Variants in AMPH observed in about 807,000 individuals in gnomAD.
AMPH encodes the protein amphiphysin (Stiff-Mann syndrome with breast cancer 128kD autoantigen).
AMPH carries 49 observed loss-of-function variants against 99.1 expected under a neutral mutation model. That is an observed-to-expected ratio of 0.49 (90% CI 0.39 to 0.63). The LOEUF (loss-of-function observed/expected upper bound fraction) is 0.63. AMPH is among the 20% of genes least tolerant of loss of function. The pLI, the probability that AMPH is intolerant of heterozygous loss-of-function variation, is 0.00. For synonymous variants in AMPH, 314 were observed against 317.3 expected (o/e 0.99, Z 0.11); for missense variants, 759 against 863.4 (o/e 0.88, Z 1.52).
intron 1 of AMPH, among the ~76,000 whole-genome samples, chr7:38,575,610 T>C (rs1464174141): frequency 1.3e-5 from 2 of 152,214 alleles, no homozygotes; most frequent in Non-Finnish European, 2.9e-5. Context: ...CTTCCTGCTG[T>C]CATGTGAAGA....
intron 11 of AMPH, among the ~76,000 whole-genome samples, chr7:38,441,768 A>ATCATATATCTATCATATATATCATATATC (rs1786525188): frequency 1.1e-5 from 1 of 94,580 alleles, no homozygotes; most frequent in Non-Finnish European, 2.2e-5. Context: ...TATCATATAT[A>ATCATATATCTATCATATATATCATATATC]TGATATATAT....
chr7:38,450,722 C>G (rs1786978874), intron 11 of AMPH, among the ~76,000 whole-genome samples: 1 of 152,116 alleles, frequency 6.6e-6, no homozygotes, highest in South Asian at 2.1e-4. Flanking sequence ...ACCCCTGAGA[C>G]TGGCCATCAG....
intron 7 of AMPH, among the ~76,000 whole-genome samples, chr7:38,473,804 C>T (rs1787984542): frequency 7.2e-6 from 1 of 139,320 alleles, no homozygotes; most frequent in African/African-American, 2.6e-5. Context: ...AAAAAAAAGC[C>T]ATAGCATCAT....
Position 38,406,722 on chromosome 7 carries a change from CTCCCTTTCCCTCTCTCTCTCT to C in AMPH, c.1398+11082_1398+11102del, listed in dbSNP as rs1785002313. Among the ~76,000 whole-genome samples the C allele has an allele frequency of 2.7e-5, 3 of 109,834 alleles. 1 individual carries two copies. The highest frequency in any genetic ancestry group is 1.0e-4 in the Admixed American group (1 of 9,984). The allele number at this position is 109,834 out of a possible 152,430, so 72.1% of individuals were successfully genotyped here. On this transcript the variant is annotated intron_variant, in intron 17 of 20. Coordinates refer to ENST00000356264, the MANE Select transcript of AMPH (RefSeq NM_001635.4). ...GAGTTCTCTCTCCTCTCCTCTCTCTCTCCCTTTCCCTCTCTCTCTCTCTCTCTCTCTCTCTCTCTCTCTCTC... is the reference window on the plus strand; with the variant it reads ...GAGTTCTCTCTCCTCTCCTCTCTCTCCTCTCTCTCTCTCTCTCTCTCTCTC...
At chr7:38,591,618 C>T (rs1022553474) in intron 1 of AMPH, among the ~76,000 whole-genome samples, 2 of 152,132 alleles carry the variant, frequency 1.3e-5, no homozygotes, top group African/African-American at 2.4e-5. Context: ...ACTCGGCTCT[C>T]ATAAGTTAGA....
rs548710083 is a variant in AMPH at position 38,574,543 on chromosome 7, G to A, written c.70-39532C>T. Among the ~76,000 whole-genome samples, 3 of 152,286 alleles carry A rather than the reference G, an allele frequency of 2.0e-5. No individual in the cohort carries two copies. The East Asian group carries it at 5.8e-4, about 29-fold the overall frequency. On this transcript the variant is annotated intron_variant, in intron 1 of 20. Transcript: ENST00000356264. ...TGCAATTGCAGCTGCTGTTCACACA[G>A]CCTCTGCCACTTACAAGGGAGAGAA...
At chr7:38,592,060 A>G (rs759836870) in intron 1 of AMPH, among the ~76,000 whole-genome samples, 7 of 152,360 alleles carry the variant, frequency 4.6e-5, no homozygotes, top group Non-Finnish European at 7.3e-5. Flanking sequence ...ATTATAGATT[A>G]ACTAAAAGTA....
chr7:38,605,873 G>A (rs1377224295), intron 1 of AMPH, among the ~76,000 whole-genome samples: 1 of 152,144 alleles, frequency 6.6e-6, no homozygotes, highest in Non-Finnish European at 1.5e-5. Context: ...ACCGCACCTG[G>A]CCTTTATAAT....
At chr7:38,486,695 T>A (rs1395721486) in intron 5 of AMPH, among the ~76,000 whole-genome samples, 1 of 152,000 alleles carries the variant, frequency 6.6e-6, no homozygotes, top group Non-Finnish European at 1.5e-5. Flanking sequence ...ACCAGCAAAC[T>A]GAATTCGACA....
chr7:38,534,978 T>C lies in AMPH; in HGVS notation c.103A>G (p.Lys35Glu), dbSNP rs1225296606. The C allele has an allele frequency of 4.3e-6, 7 of 1,614,184 alleles. No homozygotes were observed. Among genetic ancestry groups the C allele is most frequent in the Non-Finnish European group, 5.9e-6 (7 of 1,180,024 alleles). ...ACATATTCTTCGAACTGTTCGTCTT[T>C]TGTCTCATCAGCTTTCCCCAGCTTT... ...LQKLGKADET[K>E]DEQFEEYVQN... The change falls in exon 2 of 21, where the codon AAA becomes GAA. Residue 35 changes from lysine (K) to glutamate (E), a missense_variant. Physicochemically the swap from Lys to Glu is moderately conservative, Grantham distance 56 (BLOSUM62 1). This residue lies in a region of AMPH where 205 missense variants were observed against 287.9 expected (regional missense o/e 0.71). Coordinates refer to ENST00000356264, the MANE Select transcript of AMPH (RefSeq NM_001635.4).
At chr7:38,531,014 CTTCCTTCT>C (rs1301632250) in intron 2 of AMPH, 1 of 151,216 alleles carries the variant, frequency 6.6e-6, no homozygotes, top group Admixed American at 6.6e-5. Context: ...TCTTTCTTTC[CTTCCTTCT>C]TTCCTTCTTT....
intron 11 of AMPH, among the ~76,000 whole-genome samples, chr7:38,443,443 T>C (rs1187453160): frequency 6.6e-6 from 1 of 151,994 alleles, no homozygotes; most frequent in East Asian, 1.9e-4. Context: ...AATGTAAAAA[T>C]TCTAGACCGA....
intron 1 of AMPH, among the ~76,000 whole-genome samples, chr7:38,613,081 A>G (rs1793741844): frequency 6.6e-6 from 1 of 152,204 alleles, no homozygotes; most frequent in African/African-American, 2.4e-5. Context: ...GCATTTTGCT[A>G]AAGTCGAAAC....
At chr7:38,470,135 CCT>C (rs953185197) in intron 7 of AMPH, among the ~76,000 whole-genome samples, 63 of 152,310 alleles carry the variant, frequency 4.1e-4, no homozygotes, top group African/African-American at 1.4e-3. Flanking sequence ...GTCCTGATCC[CCT>C]GTTTGCCCCA....
intron 1 of AMPH, among the ~76,000 whole-genome samples, chr7:38,627,597 G>A (rs866340605): frequency 6.9e-6 from 1 of 145,440 alleles, no homozygotes; most frequent in African/African-American, 2.6e-5. Context: ...GGAGCTTGCA[G>A]TGAGCCGAGA....
chr7:38,543,379 C>G (rs1790881917), intron 1 of AMPH, among the ~76,000 whole-genome samples: 1 of 152,158 alleles, frequency 6.6e-6, no homozygotes, highest in African/African-American at 2.4e-5. Flanking sequence ...TGTAAGTTCC[C>G]TAAGGCAAGA....
At chr7:38,459,605 C>T (rs1787362880) in intron 11 of AMPH, among the ~76,000 whole-genome samples, 1 of 151,856 alleles carries the variant, frequency 6.6e-6, no homozygotes, top group Admixed American at 6.6e-5. Flanking sequence ...GAAAGGACAC[C>T]TTCAATAAAT....
In AMPH at chr7:38,391,751, G is replaced by A. The variant is rs762519553; in HGVS notation, c.1875C>T (p.Tyr625=). The part of the protein sequence containing the change: ...ASQELPPGFL[Y]KVETLHDFEA... ...GAGACTTAAAAAATAAGAATACCTTGTAGAGAAAGCCAGGAGGCAATTCCT... is the reference window on the plus strand; with the variant it reads ...GAGACTTAAAAAATAAGAATACCTTATAGAGAAAGCCAGGAGGCAATTCCT... The change falls in exon 19 of 21, where the codon TAC becomes TAT. Residue 625 remains tyrosine (Y), a synonymous_variant. Transcript: ENST00000356264. The A allele has an allele frequency of 1.9e-6, 3 of 1,613,304 alleles. No homozygotes were observed. The highest frequency in any genetic ancestry group is 2.5e-6 in the Non-Finnish European group (3 of 1,179,840).
chr7:38,468,477 C>T (rs1787751648), intron 7 of AMPH, among the ~76,000 whole-genome samples: 1 of 152,074 alleles, frequency 6.6e-6, no homozygotes, highest in Non-Finnish European at 1.5e-5. Flanking sequence ...CTTAAGTTGT[C>T]AAATCAATTA....
Sources: allele counts gnomAD v4.1 joint callset (sites outside exome capture counted in the v4.1 genomes callset), GRCh38; gene constraint gnomAD v4.1.1; regional missense constraint gnomAD v4.1.1; transcripts MANE v1.5; gene names NCBI Gene and HGNC (gene_info 2026-07-23, HGNC 2026-07-21).